Variants in SOX6 observed in about 807,000 individuals in gnomAD.
SOX6 encodes the protein transcription factor SOX-6.
SOX6 carries 11 observed loss-of-function variants against 97.8 expected under a neutral mutation model. That is an observed-to-expected ratio of 0.11 (90% CI 0.07 to 0.19). The LOEUF is 0.19. SOX6 is among the 10% of genes least tolerant of loss of function. SOX6 has a pLI of 1.00. For missense variants in SOX6, 810 were observed against 1,039.5 expected, an observed-to-expected ratio of 0.78 and a Z score of 3.04; for synonymous variants, 360 against 371.4, an observed-to-expected ratio of 0.97 and a Z score of 0.35.
At chr11:16,152,542 C>T (rs1392838505) in intron 6 of SOX6, among the ~76,000 whole-genome samples, 1 of 152,168 alleles carries the variant, frequency 6.6e-6, no homozygotes, top group South Asian at 2.1e-4. Context: ...CCAGAGAACA[C>T]CCTTTACCAT....
intron 2 of SOX6, among the ~76,000 whole-genome samples, chr11:16,721,549 T>C (rs1189619217): frequency 3.9e-3 from 33 of 8,444 alleles, no homozygotes; most frequent in African/African-American, 0.012. Context: ...TCTCTCTCTC[T>C]CTTCCCCCCC....
intron 12 of SOX6, among the ~76,000 whole-genome samples, chr11:16,032,980 C>G (rs887571079): frequency 2.0e-5 from 3 of 152,164 alleles, no homozygotes; most frequent in Non-Finnish European, 4.4e-5. Flanking sequence ...ATTAGCCTTA[C>G]GACACTTTTC....
At chr11:16,064,525 T>C (rs1385379660) in intron 9 of SOX6, among the ~76,000 whole-genome samples, 1 of 150,152 alleles carries the variant, frequency 6.7e-6, no homozygotes, top group Non-Finnish European at 1.5e-5. Flanking sequence ...CATACATATA[T>C]ATATATATAT....
At chr11:16,329,779 C>T (rs1284250051) in intron 2 of SOX6, among the ~76,000 whole-genome samples, 1 of 152,206 alleles carries the variant, frequency 6.6e-6, no homozygotes, top group East Asian at 1.9e-4. Context: ...TATTTGGCCT[C>T]TCCCTAAACG....
At chr11:16,309,381 T>C (rs1447013342) in intron 3 of SOX6, among the ~76,000 whole-genome samples, 2 of 152,138 alleles carry the variant, frequency 1.3e-5, no homozygotes, top group African/African-American at 4.8e-5. Flanking sequence ...GCAAAACTGA[T>C]GATAGAATAT....
At chr11:16,498,055 C>G (rs4639898) in intron 4 of SOX6, among the ~76,000 whole-genome samples, 89,489 of 152,010 alleles carry the variant, frequency 0.59, 26,847 homozygotes, top group East Asian at 0.95. Context: ...AAATATTAAG[C>G]GAAGCCAGAG....
Position 16,354,611 on chromosome 11 carries a change from T to G in SOX6, c.-5+1483A>C, listed in dbSNP as rs549713967. On this transcript the variant is annotated intron_variant, in intron 1 of 15. Coordinates refer to ENST00000683767, the MANE Select transcript of SOX6 (RefSeq NM_001367873.1). ...TCCTAAGGACAATAGAGTCCTGAGC[T>G]GTAGGTGCCTATTCAAACCACCTAT... Among the ~76,000 whole-genome samples the G allele has an allele frequency of 1.5e-4, 23 of 152,136 alleles. No individual in the cohort carries two copies. In the South Asian group the frequency reaches 4.6e-3, roughly 30 times the overall value.
At chr11:16,499,852 CG>C (rs1860671783) in intron 4 of SOX6, among the ~76,000 whole-genome samples, 1 of 152,078 alleles carries the variant, frequency 6.6e-6, no homozygotes, top group Admixed American at 6.6e-5. Flanking sequence ...CAGGACCAGA[CG>C]GAGTCACAGC....
At chr11:16,537,224 T>C (rs1409023330) in intron 4 of SOX6, among the ~76,000 whole-genome samples, 1 of 152,078 alleles carries the variant, frequency 6.6e-6, no homozygotes, top group Non-Finnish European at 1.5e-5. Context: ...AACAGACCTA[T>C]AGCAAAGGGG....
At chr11:16,562,156 C>T (rs1407282227) in intron 4 of SOX6, among the ~76,000 whole-genome samples, 1 of 152,032 alleles carries the variant, frequency 6.6e-6, no homozygotes, top group African/African-American at 2.4e-5. Context: ...TGAAGACTTC[C>T]AATTCCGGGA....
At position 16,046,712 on chromosome 11, in the gene SOX6, A is replaced by G. The variant is rs1297004124; in HGVS notation, c.1436-11T>C. Reference sequence around the variant, plus strand: ...GACTAGATAGGATATCTGCATACACAGGATGCATTATTAGATGCTTGTGAG... The same window carrying G: ...GACTAGATAGGATATCTGCATACACGGGATGCATTATTAGATGCTTGTGAG... On this transcript the variant is annotated splice_polypyrimidine_tract_variant and intron_variant, in intron 11 of 15. Transcript: ENST00000683767. 1 of 1,610,096 alleles carries G rather than the reference A, an allele frequency of 6.2e-7. No homozygotes were observed. Among genetic ancestry groups the G allele is most frequent in the East Asian group, 2.2e-5 (1 of 44,832 alleles).
At chr11:16,286,596 A>G (rs1388361810) in intron 3 of SOX6, among the ~76,000 whole-genome samples, 1 of 152,102 alleles carries the variant, frequency 6.6e-6, no homozygotes, top group Non-Finnish European at 1.5e-5. Context: ...GAGTCACATG[A>G]ATTTTTATGT....
At chr11:16,166,499 T>A (rs1263421580) in intron 6 of SOX6, among the ~76,000 whole-genome samples, 1 of 152,132 alleles carries the variant, frequency 6.6e-6, no homozygotes, top group Non-Finnish European at 1.5e-5. Flanking sequence ...TTCAACAACA[T>A]CTCCCATGTG....
At chr11:16,486,670 G>A (rs867567072) in intron 4 of SOX6, among the ~76,000 whole-genome samples, 2 of 152,082 alleles carry the variant, frequency 1.3e-5, no homozygotes, top group Non-Finnish European at 2.9e-5. Flanking sequence ...AGACCAGCCT[G>A]GCCAACATGG....
chr11:16,647,426 T>C (rs1849030975), intron 3 of SOX6, among the ~76,000 whole-genome samples: 1 of 152,148 alleles, frequency 6.6e-6, no homozygotes, highest in African/African-American at 2.4e-5. Context: ...TCCCCCTCCT[T>C]AAATAGCATG....
chr11:16,271,978 T>C (rs1245262962), intron 3 of SOX6, among the ~76,000 whole-genome samples: 1 of 151,250 alleles, frequency 6.6e-6, no homozygotes. Flanking sequence ...ATTATATTAA[T>C]AAAATAGAAT....
At chr11:16,255,841 G>GA (rs35186404) in intron 3 of SOX6, among the ~76,000 whole-genome samples, 24,481 of 139,824 alleles carry the variant, frequency 0.18, 2,456 homozygotes, top group Admixed American at 0.3. Flanking sequence ...CAGACTAAAG[G>GA]AAAAAAAAAA....
intron 9 of SOX6, among the ~76,000 whole-genome samples, chr11:16,078,987 G>T (rs1260984189): frequency 6.6e-6 from 1 of 152,124 alleles, no homozygotes. Context: ...GATCATGTAG[G>T]TCTTATATAC....
At chr11:16,130,964 A>T (rs1315265837) in intron 6 of SOX6, among the ~76,000 whole-genome samples, 1 of 151,978 alleles carries the variant, frequency 6.6e-6, no homozygotes, top group Non-Finnish European at 1.5e-5. Context: ...AATTTAACTC[A>T]AAATGCACTA....
Sources: gnomAD v4.1 joint callset for allele counts (sites outside exome capture counted in the v4.1 genomes callset) on GRCh38, gnomAD v4.1.1 for gene constraint, MANE v1.5 for transcripts, NCBI Gene and HGNC (gene_info 2026-07-23, HGNC 2026-07-21) for gene names.